MFAP3: variants seen among roughly 807,000 people sequenced by gnomAD.
The protein encoded by MFAP3 is microfibril-associated glycoprotein 3.
A neutral mutation model predicts 20.5 loss-of-function variants in MFAP3; 8 were observed. The observed-to-expected ratio is 0.39, with a 90% CI of 0.23 to 0.70. The LOEUF (loss-of-function observed/expected upper bound fraction) is 0.70. Among genes scored for constraint, MFAP3 ranks in the 30% least tolerant of loss-of-function variants. MFAP3 has a pLI of 0.44. For synonymous variants in MFAP3, 140 were observed against 154.0 expected, an observed-to-expected ratio of 0.91 and a Z score of 0.67; for missense variants, 398 against 444.6, an observed-to-expected ratio of 0.90 and a Z score of 0.94.
intron 2 of MFAP3, among the ~76,000 whole-genome samples, 195 bp downstream of exon 2, chr5:154,050,212 A>AG (rs1412688523): frequency 1.7e-4 from 26 of 152,208 alleles, no homozygotes; most frequent in South Asian, 4.1e-4. Context: ...AAGAAAAAAA[A>AG]GAATCATTCT....
intron 1 of MFAP3, among the ~76,000 whole-genome samples, chr5:154,045,907 C>T (rs371299725): frequency 4.2e-4 from 64 of 152,172 alleles, no homozygotes; most frequent in Non-Finnish European, 8.2e-4. Flanking sequence ...TAGCCTGAAG[C>T]ACCATTCTGC....
In MFAP3 at chr5:154,053,702, T is replaced by A; in HGVS notation, c.1078T>A (p.Cys360Ser). Residue 360 changes from cysteine (C) to serine (S), a missense_variant, in exon 3 of 3, where the codon TGT becomes AGT. Cys to Ser is a moderately radical substitution (Grantham distance 112, BLOSUM62 -1). Coordinates refer to ENST00000522782, the MANE Select transcript of MFAP3 (RefSeq NM_005927.5). ...CNYKDGAYEN[C>S]QL is the part of the protein sequence containing the mutation. ...CTACAAAGATGGGGCATATGAAAAC[T>A]GTCAGCTGTAACCTACAATGCTGTA... 6.2e-7 allele frequency: 1 copy of A among 1,610,030 alleles called. No homozygotes were observed. Among genetic ancestry groups the A allele is most frequent in the Non-Finnish European group, 8.5e-7 (1 of 1,177,384 alleles).
chr5:154,054,846 C>CTGA lies in MFAP3; in HGVS notation c.*1133_*1134insTGA, dbSNP rs1773290364. The CTGA allele has an allele frequency of 1.2e-5, 2 of 166,992 alleles. No homozygotes were observed. Among genetic ancestry groups the CTGA allele is most frequent in the South Asian group, 4.1e-4 (2 of 4,820 alleles). 10.3% of individuals were successfully genotyped at this position (166,992 alleles called of 1,614,324 possible). On this transcript the variant is annotated 3_prime_UTR_variant, in exon 3 of 3. Transcript: ENST00000522782. ...TTTTTATTTTTGTTTACTTCAGATA[C>CTGA]ATAATTCTGAGCTATGGCTGCTTTT...
chr5:154,046,528 A>G (rs1424573170), intron 1 of MFAP3, among the ~76,000 whole-genome samples: 2 of 152,162 alleles, frequency 1.3e-5, no homozygotes, highest in Non-Finnish European at 2.9e-5. Context: ...TGAGTACGGT[A>G]GGTGGGGAGG....
chr5:154,041,704 T>A (rs1330796080), intron 1 of MFAP3, among the ~76,000 whole-genome samples: 1 of 152,190 alleles, frequency 6.6e-6, no homozygotes, highest in Admixed American at 6.5e-5. Flanking sequence ...GGACCAATTC[T>A]GAGTGTCACA....
intron 2 of MFAP3, among the ~76,000 whole-genome samples, chr5:154,050,595 T>C (rs1773164610): frequency 2.0e-5 from 3 of 148,870 alleles, no homozygotes; most frequent in East Asian, 3.9e-4. Context: ...ATGGAACTTG[T>C]AAGCCCTTCC....
intron 1 of MFAP3, among the ~76,000 whole-genome samples, chr5:154,041,251 G>A (rs539090036): frequency 6.6e-6 from 1 of 152,330 alleles, no homozygotes; most frequent in South Asian, 2.1e-4. Context: ...ATATTGACGG[G>A]AAGGGGCAGA....
chr5:154,043,094 G>A (rs555305038), intron 1 of MFAP3, among the ~76,000 whole-genome samples: 3 of 152,074 alleles, frequency 2.0e-5, no homozygotes, highest in Non-Finnish European at 4.4e-5. Flanking sequence ...AAATAATATA[G>A]TCAATATTCA....
rs1325148520 is a variant in MFAP3, at chr5:154,049,910, C to T, written c.188C>T (p.Ala63Val). Residue 63 changes from alanine to valine, a missense_variant, in exon 2 of 3, where the codon GCC (alanine) becomes GTC (valine). By Grantham distance (64) the Ala-to-Val change is moderately conservative. Transcript: ENST00000522782. ...SSHSDDDVIIAKEGTSVSIEC... is the reference protein window; with the variant it reads ...SSHSDDDVIIVKEGTSVSIEC... Reference sequence around the variant, plus strand: ...CACTCGGATGATGATGTCATCATAGCCAAAGAGGGAACTAGCGTTTCAATT... The same window carrying T: ...CACTCGGATGATGATGTCATCATAGTCAAAGAGGGAACTAGCGTTTCAATT... 1 of 1,613,622 alleles carries T rather than the reference C, an allele frequency of 6.2e-7. No individual in the cohort carries two copies. The highest frequency in any genetic ancestry group is 8.5e-7 in the Non-Finnish European group (1 of 1,179,692).
intron 1 of MFAP3, among the ~76,000 whole-genome samples, chr5:154,046,967 G>C (rs1773082748): frequency 6.6e-6 from 1 of 152,130 alleles, no homozygotes; most frequent in Admixed American, 6.5e-5. Flanking sequence ...CATTGGCCCA[G>C]TTAGTTCTCC....
intron 2 of MFAP3, among the ~76,000 whole-genome samples, chr5:154,050,272 T>A (rs1380282132): frequency 6.6e-6 from 1 of 152,168 alleles, no homozygotes; most frequent in Non-Finnish European, 1.5e-5. Context: ...TCTCTCCTGA[T>A]CAGTTGGTTT....
rs901963427 is a variant in MFAP3, at chr5:154,055,308, T to G, written c.*1595T>G. 5.3e-5 allele frequency among the ~76,000 whole-genome samples: 8 copies of G among 152,216 alleles called. No homozygotes were observed. Among genetic ancestry groups the G allele is most frequent in the African/African-American group, 1.9e-4 (8 of 41,446 alleles). On this transcript the variant is annotated 3_prime_UTR_variant, in exon 3 of 3. Coordinates refer to ENST00000522782, the MANE Select transcript of MFAP3 (RefSeq NM_005927.5). ...AATTCAAAGCGTGACGGGATAAAAC[T>G]CATGCCTCCCTTTGTCCAGGCTTAT...
At position 154,056,361 on chromosome 5, in the gene MFAP3, GT is replaced by G. The variant is rs1773333591; in HGVS notation, c.*2652del. ...GAGTTGGTATTACTTCGTAAAGCTAGTTTTCAAGAGGAAGAAAACCACACTT... is the reference window on the plus strand; with the variant it reads ...GAGTTGGTATTACTTCGTAAAGCTAGTTTCAAGAGGAAGAAAACCACACTT... On this transcript the variant is annotated 3_prime_UTR_variant, in exon 3 of 3. Transcript: ENST00000522782. 6.6e-6 allele frequency among the ~76,000 whole-genome samples: 1 copy of G among 152,148 alleles called. No homozygotes were observed. Among genetic ancestry groups the G allele is most frequent in the Non-Finnish European group, 1.5e-5 (1 of 68,016 alleles).
rs1237446755 is a variant in MFAP3, at chr5:154,055,990, A to G, written c.*2277A>G. On this transcript the variant is annotated 3_prime_UTR_variant, in exon 3 of 3. Transcript: ENST00000522782. ...CAGATAGTACTTTCAACCCTGTCCT[A>G]ACATAGCAGGTTTGCAGTAATCTTT... 6.6e-6 allele frequency among the ~76,000 whole-genome samples: 1 copy of G among 152,164 alleles called. No homozygotes were observed. The highest frequency in any genetic ancestry group is 1.5e-5 in the Non-Finnish European group (1 of 68,020).
At chr5:154,050,067 C>T in intron 2 of MFAP3, 50 bp downstream of exon 2, 1 of 1,523,668 alleles carries the variant, frequency 6.6e-7, no homozygotes, top group Non-Finnish European at 8.8e-7. Context: ...CCTGTTCTGT[C>T]TTCTTATTTT....
In MFAP3 at chr5:154,049,617, T is replaced by C; in HGVS notation, c.-106T>C. 1 of 1,153,780 alleles carries C rather than the reference T, an allele frequency of 8.7e-7. No individual in the cohort carries two copies. Among genetic ancestry groups the C allele is most frequent in the Non-Finnish European group, 1.2e-6 (1 of 825,200 alleles). The allele number at this position is 1,153,780 out of a possible 1,614,324, so 71.5% of individuals were successfully genotyped here. A position where few individuals can be genotyped will look rare whatever the true frequency, so the allele number is the denominator to read the frequency against. ...AAAATATAACTGGATCTACCACTTG[T>C]TTGGAAAATTTCTCTACCAAGCAAT... On this transcript the variant is annotated 5_prime_UTR_variant, in exon 2 of 3. Coordinates refer to ENST00000522782, the MANE Select transcript of MFAP3 (RefSeq NM_005927.5).
chr5:154,050,969 A>G (rs1773178018), intron 2 of MFAP3, among the ~76,000 whole-genome samples: 1 of 152,170 alleles, frequency 6.6e-6, no homozygotes, highest in Admixed American at 6.6e-5. Context: ...CTTCTGAAAT[A>G]GAAAAGGATA....
intron 1 of MFAP3, among the ~76,000 whole-genome samples, chr5:154,040,197 A>T (rs1176893844): frequency 1.3e-5 from 2 of 152,234 alleles, no homozygotes; most frequent in African/African-American, 4.8e-5. Context: ...TGAGAACTTC[A>T]AAGGGTTTTT....
chr5:154,055,760 CTT>C lies in MFAP3; in HGVS notation c.*2049_*2050del, dbSNP rs1773315095. 6.6e-6 allele frequency among the ~76,000 whole-genome samples: 1 copy of C among 152,088 alleles called. No homozygotes were observed. Among genetic ancestry groups the C allele is most frequent in the African/African-American group, 2.4e-5 (1 of 41,408 alleles). On this transcript the variant is annotated 3_prime_UTR_variant, in exon 3 of 3. Transcript: ENST00000522782. Reference sequence around the variant, plus strand: ...AGCTAGGACTACAGGTGTGCACCACCTTTCCTGGCTAATTTTTTTTTATTTTT... The same window carrying C: ...AGCTAGGACTACAGGTGTGCACCACCTCCTGGCTAATTTTTTTTTATTTTT...
Sources: gnomAD v4.1 joint callset for allele counts (sites outside exome capture counted in the v4.1 genomes callset) on GRCh38, gnomAD v4.1.1 for gene constraint, MANE v1.5 for transcripts, NCBI Gene and HGNC (gene_info 2026-07-23, HGNC 2026-07-21) for gene names.